LIPI: variants seen among roughly 807,000 people sequenced by gnomAD.
The protein encoded by LIPI is lipase I, also known as lipase member I.
Under a neutral mutation model 50.6 loss-of-function variants are expected in LIPI, and 59 were observed. That is an observed-to-expected ratio of 1.16 (90% CI 0.94 to 1.45). The LOEUF (loss-of-function observed/expected upper bound fraction) is 1.45, where lower values mean the gene tolerates loss of function less well. Ranked by LOEUF, LIPI falls within the 40% of genes most tolerant of loss-of-function variation. The pLI is 0.00. For synonymous variants in LIPI, 203 were observed against 178.2 expected, an observed-to-expected ratio of 1.14 and a Z score of -1.11; for missense variants, 586 against 536.3, an observed-to-expected ratio of 1.09 and a Z score of -0.92.
At chr21:14,118,997 A>C (rs532582019) in intron 9 of LIPI, among the ~76,000 whole-genome samples, 1 of 152,178 alleles carries the variant, frequency 6.6e-6, no homozygotes, top group East Asian at 1.9e-4. Context: ...ACTGCATGCT[A>C]TTGTGCCTAA....
At chr21:14,187,857 C>T (rs2019510646) in intron 2 of LIPI, among the ~76,000 whole-genome samples, 1 of 151,966 alleles carries the variant, frequency 6.6e-6, no homozygotes, top group African/African-American at 2.4e-5. Flanking sequence ...TCTATATGTA[C>T]AAATAAGGAA....
At chr21:14,172,216 A>T (rs372904605) in intron 4 of LIPI, among the ~76,000 whole-genome samples, 3 of 150,270 alleles carry the variant, frequency 2.0e-5, no homozygotes, top group Non-Finnish European at 4.5e-5. Flanking sequence ...GTCAGGAAAC[A>T]ACAGGTGCTG....
At chr21:14,168,445 T>C (rs2018771295) in intron 4 of LIPI, among the ~76,000 whole-genome samples, 1 of 151,732 alleles carries the variant, frequency 6.6e-6, no homozygotes. Flanking sequence ...AAGGAAAAAA[T>C]GTTAAGGGCA....
chr21:14,144,680 G>C lies in LIPI; in HGVS notation c.1238C>G (p.Ser413Cys). 6.3e-7 allele frequency: 1 copy of C among 1,577,562 alleles called. No individual in the cohort carries two copies. The highest frequency in any genetic ancestry group is 2.2e-5 in the East Asian group (1 of 44,546). The change falls in exon 9 of 10, where the codon TCC becomes TGC. Residue 413 changes from serine (S) to cysteine (C), a missense_variant. Ser to Cys is a moderately radical substitution (Grantham distance 112). Transcript: ENST00000681601. ...TYFQSSNLQC[S>C]TCTYKIQSLM... ...ACTCTGGATCTTGTATGTGCATGTG[G>C]AACACTGCAGATTTGAGCTCTGGAA...
In LIPI at chr21:14,161,599, A is replaced by G. The variant is rs1193917742; in HGVS notation, c.1006+1820T>C. ...TATATAATATATATCTATATAATAT[A>G]TTAATATATAATATACATATATAAT... On this transcript the variant is annotated intron_variant, in intron 7 of 9. Transcript: ENST00000681601. Among the ~76,000 whole-genome samples the G allele has an allele frequency of 5.1e-5, 6 of 117,922 alleles. No homozygotes were observed. The South Asian group carries it at 1.4e-3, about 27-fold the overall frequency. 77.4% of individuals were successfully genotyped at this position (117,922 alleles called of 152,430 possible).
chr21:14,157,174 C>T (rs1356362029), intron 7 of LIPI, among the ~76,000 whole-genome samples: 2 of 151,764 alleles, frequency 1.3e-5, no homozygotes, highest in African/African-American at 2.4e-5. Flanking sequence ...GAGATGAAAC[C>T]GTTAAATTAA....
intron 7 of LIPI, among the ~76,000 whole-genome samples, chr21:14,160,363 G>A (rs1361745088): frequency 1.3e-5 from 2 of 150,864 alleles, no homozygotes; most frequent in Admixed American, 6.6e-5. Flanking sequence ...TAAACATATC[G>A]ATATATATTG....
At chr21:14,147,846 C>T (rs2017959034) in intron 8 of LIPI, among the ~76,000 whole-genome samples, 1 of 152,098 alleles carries the variant, frequency 6.6e-6, no homozygotes, top group South Asian at 2.1e-4. Context: ...CTGGAATCTC[C>T]CTTACCCTGT....
chr21:14,122,795 G>C (rs1408647167), intron 9 of LIPI, among the ~76,000 whole-genome samples: 1 of 152,212 alleles, frequency 6.6e-6, no homozygotes, highest in Non-Finnish European at 1.5e-5. Context: ...ATCAAGGAGA[G>C]CTAAGCTTTG....
chr21:14,180,752 T>C (rs1298225983), intron 4 of LIPI, among the ~76,000 whole-genome samples: 1 of 152,220 alleles, frequency 6.6e-6, no homozygotes, highest in East Asian at 1.9e-4. Flanking sequence ...AGCAGAATTG[T>C]TACCAGTGGA....
At chr21:14,210,011 AAAT>A (rs2020323489) in intron 1 of LIPI, among the ~76,000 whole-genome samples, 2 of 152,018 alleles carry the variant, frequency 1.3e-5, no homozygotes, top group African/African-American at 4.8e-5. Flanking sequence ...AAAACATAAG[AAAT>A]AATGGTAATT....
intron 1 of LIPI, among the ~76,000 whole-genome samples, chr21:14,203,236 G>A (rs1295050191): frequency 6.6e-6 from 1 of 151,940 alleles, no homozygotes; most frequent in Non-Finnish European, 1.5e-5. Context: ...ACTGTTGGTG[G>A]GACTGTAAAC....
intron 4 of LIPI, among the ~76,000 whole-genome samples, chr21:14,171,071 A>G (rs2018884309): frequency 6.7e-6 from 1 of 149,066 alleles, no homozygotes; most frequent in Non-Finnish European, 1.5e-5. Flanking sequence ...TACACCAATA[A>G]CAGACAAACA....
chr21:14,117,078 C>G (rs62208642), intron 9 of LIPI, among the ~76,000 whole-genome samples: 19,430 of 152,096 alleles, frequency 0.13, 1,634 homozygotes, highest in East Asian at 0.41. Context: ...GGAGGAACTC[C>G]AGGATGAGGT....
chr21:14,180,334 C>T (rs150940824), intron 4 of LIPI, among the ~76,000 whole-genome samples: 3 of 152,242 alleles, frequency 2.0e-5, no homozygotes, highest in East Asian at 3.9e-4. Context: ...ACTCCCTGTT[C>T]TTACACCCCC....
intron 9 of LIPI, among the ~76,000 whole-genome samples, chr21:14,122,664 T>C (rs1340957795): frequency 6.6e-6 from 1 of 152,104 alleles, no homozygotes; most frequent in Non-Finnish European, 1.5e-5. Context: ...CCAACACCTA[T>C]ATACAGGGGG....
At chr21:14,121,825 C>T (rs539261308) in intron 9 of LIPI, among the ~76,000 whole-genome samples, 30 of 152,252 alleles carry the variant, frequency 2.0e-4, no homozygotes, top group African/African-American at 7.2e-4. Flanking sequence ...GCGGAGGAAC[C>T]AAGGCACAGC....
Position 14,181,774 on chromosome 21 carries a change from G to T in LIPI, c.627C>A (p.Ile209=). 1 of 1,602,572 alleles carries T rather than the reference G, an allele frequency of 6.2e-7. No homozygotes were observed. Among genetic ancestry groups the T allele is most frequent in the Non-Finnish European group, 8.5e-7 (1 of 1,170,024 alleles). ...ATTTGTTACCATTGGAGTCAGAATG[G>T]ATGACATCCACAAACTTTGCATCCG... ...DYTDAKFVDV[I]HSDSNGLGIQ... is the part of the protein sequence containing the mutation. Residue 209 remains isoleucine, a synonymous_variant, in exon 4 of 10, where the codon ATC becomes ATA. Transcript: ENST00000681601.
chr21:14,142,775 C>T (rs2017760884), intron 9 of LIPI, among the ~76,000 whole-genome samples: 1 of 151,784 alleles, frequency 6.6e-6, no homozygotes, highest in African/African-American at 2.4e-5. Context: ...TGAGCCACCA[C>T]TCTTGGCCAA....
Sources: allele counts gnomAD v4.1 joint callset (sites outside exome capture counted in the v4.1 genomes callset), GRCh38; gene constraint gnomAD v4.1.1; transcripts MANE v1.5; gene names NCBI Gene and HGNC (gene_info 2026-07-23, HGNC 2026-07-21).